Variants in AGBL4 observed in about 807,000 individuals in gnomAD.
The protein encoded by AGBL4 is cytosolic carboxypeptidase 6.
Under a neutral mutation model 66.4 loss-of-function variants are expected in AGBL4, and 58 were observed. The ratio of observed to expected loss-of-function variants is 0.87; its 90% CI spans 0.71 to 1.09. The LOEUF (loss-of-function observed/expected upper bound fraction) is 1.09. Among genes scored for constraint, AGBL4 ranks in the 50% least tolerant of loss-of-function variants. AGBL4 has a pLI of 0.00. For missense variants in AGBL4, 579 were observed against 631.0 expected (o/e 0.92, Z 0.88); for synonymous variants, 234 against 222.9 (o/e 1.05, Z -0.44).
chr1:49,733,503 G>A (rs1030299526), intron 2 of AGBL4, among the ~76,000 whole-genome samples: 3 of 152,104 alleles, frequency 2.0e-5, no homozygotes, highest in Admixed American at 6.6e-5. Flanking sequence ...CTTGAACAAC[G>A]AACATTATTT....
At chr1:49,354,106 T>C (rs1197916353) in intron 3 of AGBL4, among the ~76,000 whole-genome samples, 1 of 152,170 alleles carries the variant, frequency 6.6e-6, no homozygotes, top group Non-Finnish European at 1.5e-5. Context: ...TAAAAGAACA[T>C]TAATTGTAAC....
At chr1:50,017,077 T>C (rs1320887734) in intron 1 of AGBL4, 1 of 152,102 alleles carries the variant, frequency 6.6e-6, no homozygotes, top group Non-Finnish European at 1.5e-5. Context: ...AAATGTGATA[T>C]ATATATATAT....
In AGBL4 at chr1:48,588,091, C is replaced by T. The variant is rs537247580; in HGVS notation, c.1105-925G>A. On this transcript the variant is annotated intron_variant, in intron 10 of 13. Transcript: ENST00000371839. ...TTTTATCTCTCTATAGATGAGGAAA[C>T]TGAGGTTTCCTCTCTATAGATGAGG... 2.6e-5 allele frequency among the ~76,000 whole-genome samples: 4 copies of T among 152,150 alleles called. No individual in the cohort carries two copies. In the South Asian group the frequency reaches 8.3e-4, roughly 32 times the overall value.
intron 3 of AGBL4, among the ~76,000 whole-genome samples, chr1:49,616,529 C>T (rs1454715650): frequency 1.3e-5 from 2 of 152,136 alleles, no homozygotes; most frequent in African/African-American, 4.8e-5. Context: ...AGCTCCTCAA[C>T]CAGTCACATG....
intron 3 of AGBL4, among the ~76,000 whole-genome samples, chr1:49,485,416 A>T (rs1291261645): frequency 1.5e-5 from 2 of 130,488 alleles, no homozygotes; most frequent in Non-Finnish European, 3.1e-5. Flanking sequence ...ATGAGAACAC[A>T]TGGACACTGG....
chr1:48,906,252 C>T (rs1295727872), intron 5 of AGBL4, among the ~76,000 whole-genome samples: 2 of 152,092 alleles, frequency 1.3e-5, no homozygotes, highest in Admixed American at 1.3e-4. Context: ...TGAAAACAAA[C>T]ATAGCATGTT....
rs578202690 is a variant in AGBL4, at chr1:49,095,932, T to C, written c.378-50132A>G. Reference sequence around the variant, plus strand: ...ACAAAATGGGAGAAAATTTTTGCAATCTACTCATCCGACAAAGGGCTAATA... The same window carrying C: ...ACAAAATGGGAGAAAATTTTTGCAACCTACTCATCCGACAAAGGGCTAATA... On this transcript the variant is annotated intron_variant, in intron 4 of 13. Coordinates refer to ENST00000371839, the MANE Select transcript of AGBL4 (RefSeq NM_032785.4). Among the ~76,000 whole-genome samples the C allele has an allele frequency of 1.2e-3, 180 of 152,132 alleles. 2 individuals are homozygous for C. In the South Asian group the frequency reaches 0.017, roughly 15 times the overall value.
chr1:48,912,046 A>G (rs375250006), intron 5 of AGBL4, among the ~76,000 whole-genome samples: 1 of 152,160 alleles, frequency 6.6e-6, no homozygotes, highest in Non-Finnish European at 1.5e-5. Context: ...TCATTCACTC[A>G]TTCATTCATG....
intron 4 of AGBL4, among the ~76,000 whole-genome samples, chr1:49,115,087 A>G (rs1361417876): frequency 6.6e-6 from 1 of 152,238 alleles, no homozygotes; most frequent in Non-Finnish European, 1.5e-5. Context: ...AAACCAACAC[A>G]GTATCTGTAA....
Position 49,452,238 on chromosome 1 carries a change from C to T in AGBL4, c.283-206374G>A, listed in dbSNP as rs955450715. 1.1e-4 allele frequency among the ~76,000 whole-genome samples: 17 copies of T among 152,042 alleles called. No individual in the cohort carries two copies. The East Asian group carries it at 1.2e-3, about 10-fold the overall frequency. On this transcript the variant is annotated intron_variant, in intron 3 of 13. Transcript: ENST00000371839. ...CCATTTCCTCCATCCCAGCTAACAC[C>T]GTTTTACTATACTTATCTGGACTAA...
At chr1:49,859,796 A>G (rs1273258903) in intron 1 of AGBL4, among the ~76,000 whole-genome samples, 1 of 152,122 alleles carries the variant, frequency 6.6e-6, no homozygotes, top group Non-Finnish European at 1.5e-5. Flanking sequence ...AAAGCTGTAC[A>G]TACTGTCCCT....
At chr1:49,714,307 A>C (rs1345444123) in intron 2 of AGBL4, among the ~76,000 whole-genome samples, 2 of 151,908 alleles carry the variant, frequency 1.3e-5, no homozygotes, top group East Asian at 3.9e-4. Context: ...CACCTAAATA[A>C]TGTAGATTGT....
chr1:49,957,934 G>T (rs902395172), intron 1 of AGBL4, among the ~76,000 whole-genome samples: 4 of 152,054 alleles, frequency 2.6e-5, no homozygotes, highest in African/African-American at 9.7e-5. Context: ...CTCGTTAGTT[G>T]ATGCAGTTTC....
At chr1:49,464,757 A>G (rs75090936) in intron 3 of AGBL4, among the ~76,000 whole-genome samples, 1 of 151,710 alleles carries the variant, frequency 6.6e-6, no homozygotes, top group African/African-American at 2.4e-5. Flanking sequence ...AGAAAAAAAA[A>G]TCATTTGCCT....
intron 3 of AGBL4, among the ~76,000 whole-genome samples, chr1:49,489,321 T>C (rs1647138682): frequency 6.6e-6 from 1 of 152,012 alleles, no homozygotes; most frequent in African/African-American, 2.4e-5. Context: ...TTGCCATTTA[T>C]ATGTTTTCTT....
At chr1:48,571,193 C>T (rs1286812265) in intron 11 of AGBL4, among the ~76,000 whole-genome samples, 1 of 152,212 alleles carries the variant, frequency 6.6e-6, no homozygotes, top group Non-Finnish European at 1.5e-5. Flanking sequence ...AGTGAAGTAA[C>T]TTGCCCAAAG....
chr1:48,758,961 C>A, intron 6 of AGBL4: 1 of 1,603,778 alleles, frequency 6.2e-7, no homozygotes, highest in Non-Finnish European at 8.5e-7. Flanking sequence ...GGAGCTCCTT[C>A]ATTTCAGACA....
intron 6 of AGBL4, among the ~76,000 whole-genome samples, chr1:48,773,036 G>A (rs565933061): frequency 1.3e-5 from 2 of 152,210 alleles, no homozygotes; most frequent in East Asian, 1.9e-4. Context: ...CCCCTGGGTC[G>A]TGCTGTCATT....
chr1:48,825,521 C>T (rs1352932952), intron 6 of AGBL4, among the ~76,000 whole-genome samples: 1 of 152,082 alleles, frequency 6.6e-6, no homozygotes, highest in African/African-American at 2.4e-5. Flanking sequence ...TCCACCTTCC[C>T]CCATGTAAGC....
Sources: allele counts gnomAD v4.1 joint callset (sites outside exome capture counted in the v4.1 genomes callset), GRCh38; gene constraint gnomAD v4.1.1; transcripts MANE v1.5; gene names NCBI Gene and HGNC (gene_info 2026-07-23, HGNC 2026-07-21).